STIM1: variants seen among roughly 807,000 people sequenced by gnomAD.
STIM1 encodes the protein stromal interaction molecule 1.
Under a neutral mutation model 74.7 loss-of-function variants are expected in STIM1, and 25 were observed. The ratio of observed to expected loss-of-function variants is 0.33; its 90% CI spans 0.24 to 0.47. The LOEUF (loss-of-function observed/expected upper bound fraction) is 0.47, where lower values mean the gene tolerates loss of function less well. Ranked by LOEUF, STIM1 falls within the 20% of genes least tolerant of loss-of-function variation. The probability of loss-of-function intolerance (pLI) is 1.00; values close to 1 mark genes in which losing one functional copy is unlikely to be tolerated. For missense variants in STIM1, 728 were observed against 920.8 expected (o/e 0.79, Z 2.71); for synonymous variants, 328 against 348.8 (o/e 0.94, Z 0.66).
At chr11:3,881,582 A>G (rs1243473265) in intron 1 of STIM1, among the ~76,000 whole-genome samples, 1 of 152,190 alleles carries the variant, frequency 6.6e-6, no homozygotes, top group Non-Finnish European at 1.5e-5. Flanking sequence ...CCTGTTAGCC[A>G]GGATGGTCTC....
At chr11:4,010,872 C>G (rs1027491913) in intron 2 of STIM1, among the ~76,000 whole-genome samples, 2 of 152,146 alleles carry the variant, frequency 1.3e-5, no homozygotes, top group African/African-American at 4.8e-5. Context: ...CTCCCCCAGC[C>G]CCCAGCCCCC....
chr11:4,061,017 G>A (rs1266606066), intron 5 of STIM1, among the ~76,000 whole-genome samples: 2 of 152,150 alleles, frequency 1.3e-5, no homozygotes, highest in Non-Finnish European at 2.9e-5. Flanking sequence ...TAAAAGCTAG[G>A]CTACTTTTGC....
At chr11:4,083,739 C>T in intron 10 of STIM1, 1 of 533,562 alleles carries the variant, frequency 1.9e-6, no homozygotes, top group Non-Finnish European at 3.3e-6. Flanking sequence ...AAGTGTGTCT[C>T]CCTTCATTCT....
intron 7 of STIM1, among the ~76,000 whole-genome samples, chr11:4,076,683 GT>G (rs200740802): frequency 1.4e-5 from 2 of 140,634 alleles, no homozygotes; most frequent in South Asian, 2.2e-4. Flanking sequence ...AAGGATCTTT[GT>G]TTTTTTTCCC....
chr11:3,998,936 T>C (rs1379092963), intron 2 of STIM1, among the ~76,000 whole-genome samples: 1 of 152,250 alleles, frequency 6.6e-6, no homozygotes, highest in Non-Finnish European at 1.5e-5. Context: ...GTAATTATTT[T>C]AGACTTTGAT....
At chr11:4,081,501 G>A (rs2133217311) in intron 7 of STIM1, among the ~76,000 whole-genome samples, 1 of 152,328 alleles carries the variant, frequency 6.6e-6, no homozygotes, top group Non-Finnish European at 1.5e-5. Flanking sequence ...GAGAATCATA[G>A]ACGCAGTCTC....
chr11:4,037,477 G>A (rs6578435), intron 3 of STIM1, among the ~76,000 whole-genome samples: 6,300 of 152,192 alleles, frequency 0.041, 404 homozygotes, highest in African/African-American at 0.14. Context: ...GGTGCATAAA[G>A]ATTTAGGATG....
chr11:3,874,749 C>G (rs1360914414), intron 1 of STIM1, among the ~76,000 whole-genome samples: 1 of 152,186 alleles, frequency 6.6e-6, no homozygotes, highest in Middle Eastern at 3.2e-3. Context: ...ACTATTCCCG[C>G]TCCTGCAAGA....
chr11:3,897,653 C>T (rs1196289040), intron 1 of STIM1, among the ~76,000 whole-genome samples: 1 of 152,004 alleles, frequency 6.6e-6, no homozygotes, highest in Admixed American at 6.6e-5. Flanking sequence ...CTAAAGCTAT[C>T]CCTCCCCCCG....
chr11:3,951,758 A>G (rs926519590), intron 1 of STIM1, among the ~76,000 whole-genome samples: 1 of 152,106 alleles, frequency 6.6e-6, no homozygotes, highest in Non-Finnish European at 1.5e-5. Context: ...CAACACTTTC[A>G]GCAAACTTTT....
At chr11:4,019,837 C>T (rs1015302142) in intron 2 of STIM1, among the ~76,000 whole-genome samples, 2 of 152,102 alleles carry the variant, frequency 1.3e-5, no homozygotes, top group Non-Finnish European at 2.9e-5. Context: ...GAAATATACA[C>T]TATATTATTG....
intron 1 of STIM1, among the ~76,000 whole-genome samples, chr11:3,885,824 G>A (rs1024376907): frequency 7.2e-5 from 11 of 152,056 alleles, no homozygotes; most frequent in African/African-American, 2.7e-4. Flanking sequence ...TTTTTGTGTA[G>A]ACAAAGTCTT....
At chr11:3,990,279 T>C (rs1315882601) in intron 2 of STIM1, among the ~76,000 whole-genome samples, 1 of 152,250 alleles carries the variant, frequency 6.6e-6, no homozygotes, top group Admixed American at 6.5e-5. Flanking sequence ...AATAATATTC[T>C]ATTGCATGGA....
At chr11:4,043,738 T>C (rs922577639) in intron 3 of STIM1, among the ~76,000 whole-genome samples, 2 of 152,132 alleles carry the variant, frequency 1.3e-5, no homozygotes, top group African/African-American at 4.8e-5. Context: ...TGGAGATGGC[T>C]GGGCGTGGTG....
Position 3,998,444 on chromosome 11 carries a change from A to G in STIM1, c.271-25429A>G, listed in dbSNP as rs559924151. ...ATAGACAATTATGTCTTGACTAGCTATTGTAAGCTAAGCTCTCTGCTACAT... is the reference window on the plus strand; with the variant it reads ...ATAGACAATTATGTCTTGACTAGCTGTTGTAAGCTAAGCTCTCTGCTACAT... On this transcript the variant is annotated intron_variant, in intron 2 of 12. Transcript: ENST00000526596. 3.3e-5 allele frequency among the ~76,000 whole-genome samples: 5 copies of G among 152,268 alleles called. No homozygotes were observed. In the East Asian group the frequency reaches 9.6e-4, roughly 29 times the overall value.
intron 1 of STIM1, among the ~76,000 whole-genome samples, chr11:3,889,277 C>G (rs1387026867): frequency 6.6e-6 from 1 of 151,550 alleles, no homozygotes; most frequent in Non-Finnish European, 1.5e-5. Flanking sequence ...TTTAAAGGAA[C>G]CCAGACACAG....
At chr11:3,937,592 C>T (rs954737839) in intron 1 of STIM1, among the ~76,000 whole-genome samples, 1 of 152,116 alleles carries the variant, frequency 6.6e-6, no homozygotes, top group African/African-American at 2.4e-5. Context: ...CCACAAGAAC[C>T]TGATTCTCCA....
At chr11:3,946,077 A>C (rs2093069237) in intron 1 of STIM1, among the ~76,000 whole-genome samples, 1 of 152,168 alleles carries the variant, frequency 6.6e-6, no homozygotes, top group Non-Finnish European at 1.5e-5. Context: ...AGGTGAGTAC[A>C]ATTCAACATG....
intron 1 of STIM1, among the ~76,000 whole-genome samples, chr11:3,881,089 A>AT (rs199880890): frequency 1.4e-5 from 2 of 142,040 alleles, no homozygotes; most frequent in African/African-American, 2.7e-5. Flanking sequence ...TAGGCCGTTT[A>AT]TTAAAAAAAA....
Sources: allele counts gnomAD v4.1 joint callset (sites outside exome capture counted in the v4.1 genomes callset), GRCh38; gene constraint gnomAD v4.1.1; transcripts MANE v1.5; gene names NCBI Gene and HGNC (gene_info 2026-07-23, HGNC 2026-07-21).